TTC39B: variants seen among roughly 807,000 people sequenced by gnomAD.
TTC39B encodes the protein tetratricopeptide repeat domain 39B.
Under a neutral mutation model 96.6 loss-of-function variants are expected in TTC39B, and 92 were observed. The ratio of observed to expected loss-of-function variants is 0.95; its 90% CI spans 0.80 to 1.13. TTC39B has a LOEUF of 1.13. Among genes scored for constraint, TTC39B ranks in the 50% most tolerant of loss-of-function variants. TTC39B has a pLI of 0.00. For synonymous variants in TTC39B, 367 were observed against 299.4 expected (o/e 1.23, Z -2.33); for missense variants, 955 against 809.3 (o/e 1.18, Z -2.18).
Position 15,197,072 on chromosome 9 carries a change from T to C in TTC39B, c.824+2789A>G, listed in dbSNP as rs552346056. Among the ~76,000 whole-genome samples the C allele has an allele frequency of 5.3e-5, 8 of 152,346 alleles. No individual in the cohort carries two copies. In the South Asian group the frequency reaches 8.3e-4, roughly 16 times the overall value. ...TTAAGGTATGTATATTTTTTAGACATAATGGTATTGGCAGACTTAACAGAA... is the reference window on the plus strand; with the variant it reads ...TTAAGGTATGTATATTTTTTAGACACAATGGTATTGGCAGACTTAACAGAA... On this transcript the variant is annotated intron_variant, in intron 8 of 19. Coordinates refer to ENST00000512701, the Ensembl canonical transcript of TTC39B.
chr9:15,228,557 A>C (rs1462769983), intron 2 of TTC39B, among the ~76,000 whole-genome samples: 2 of 152,216 alleles, frequency 1.3e-5, no homozygotes, highest in African/African-American at 4.8e-5. Context: ...GTAAACAGTA[A>C]AAACAAAACT....
chr9:15,285,205 T>A (rs7035544), intron 1 of TTC39B, among the ~76,000 whole-genome samples: 2 of 150,678 alleles, frequency 1.3e-5, no homozygotes, highest in Admixed American at 1.3e-4. Flanking sequence ...GGAGGCGGAG[T>A]TTGCAGTGAG....
intron 17 of TTC39B, among the ~76,000 whole-genome samples, 180 bp from the exon 18 acceptor site, chr9:15,177,994 C>T (rs1352358846): frequency 1.3e-5 from 2 of 151,588 alleles, no homozygotes; most frequent in South Asian, 2.1e-4. Flanking sequence ...CTCAGCCTCC[C>T]GAGTAGCTGG....
intron 1 of TTC39B, among the ~76,000 whole-genome samples, chr9:15,291,399 C>T (rs1439646144): frequency 2.0e-5 from 3 of 152,182 alleles, no homozygotes; most frequent in South Asian, 4.1e-4. Context: ...GCACGTGAGA[C>T]GTGACTTGCT....
intron 13 of TTC39B, among the ~76,000 whole-genome samples, chr9:15,189,033 C>G (rs1215855285): frequency 6.6e-6 from 1 of 151,920 alleles, no homozygotes. Context: ...AGATCCAAGA[C>G]ATATTGTAAA....
chr9:15,251,567 A>T (rs962412605), intron 2 of TTC39B, among the ~76,000 whole-genome samples: 1 of 151,830 alleles, frequency 6.6e-6, no homozygotes, highest in Non-Finnish European at 1.5e-5. Flanking sequence ...ATCTCAAAAA[A>T]AATTAAAGCC....
At chr9:15,255,125 C>T (rs757453853) in intron 2 of TTC39B, among the ~76,000 whole-genome samples, 13 of 151,650 alleles carry the variant, frequency 8.6e-5, no homozygotes, top group Non-Finnish European at 8.8e-5. Context: ...TCATTCTAGA[C>T]AATAAAAATA....
intron 3 of TTC39B, among the ~76,000 whole-genome samples, chr9:15,225,254 C>T (rs1220847851): frequency 4.0e-5 from 6 of 151,528 alleles, no homozygotes; most frequent in African/African-American, 1.5e-4. Context: ...AATATGATTC[C>T]AATTAAGAAA....
intron 2 of TTC39B, among the ~76,000 whole-genome samples, chr9:15,251,232 G>T (rs187694423): frequency 6.6e-6 from 1 of 151,918 alleles, no homozygotes; most frequent in Non-Finnish European, 1.5e-5. Flanking sequence ...AAATATTGTG[G>T]TATTTCCAAA....
intron 2 of TTC39B, among the ~76,000 whole-genome samples, chr9:15,238,071 T>A (rs553090981): frequency 1.3e-5 from 2 of 152,296 alleles, no homozygotes; most frequent in Non-Finnish European, 2.9e-5. Context: ...CATGCCTTCC[T>A]GATAAAAACC....
intron 2 of TTC39B, among the ~76,000 whole-genome samples, chr9:15,263,080 A>C (rs79285784): frequency 0.014 from 2,178 of 152,338 alleles, 64 homozygotes; most frequent in African/African-American, 0.049. Flanking sequence ...GACTTGGACT[A>C]GAAGTCCATT....
intron 1 of TTC39B, among the ~76,000 whole-genome samples, chr9:15,304,498 C>A (rs1824694155): frequency 6.6e-6 from 1 of 152,182 alleles, no homozygotes; most frequent in African/African-American, 2.4e-5. Context: ...CTAAAAAACA[C>A]AAATTAAAAA....
chr9:15,280,737 AG>A (rs1346786792), intron 1 of TTC39B, among the ~76,000 whole-genome samples: 20 of 152,198 alleles, frequency 1.3e-4, no homozygotes, highest in African/African-American at 4.8e-4. Flanking sequence ...CAGGAGAGGC[AG>A]TGGGTATCCC....
At chr9:15,207,720 T>A (rs1484586506) in intron 6 of TTC39B, among the ~76,000 whole-genome samples, 4 of 151,980 alleles carry the variant, frequency 2.6e-5, no homozygotes. Context: ...GCACGGTGGC[T>A]CACACCTGTA....
rs643740 is a variant in TTC39B at position 15,276,671 on chromosome 9, G to A, written c.241-8723C>T. ...TTTTAATTACACAGCCTGTGTAGTA[G>A]AGCGGAAAGCATAAATTTAGGCTTG... On this transcript the variant is annotated intron_variant, in intron 1 of 19. Transcript: ENST00000512701. Among the ~76,000 whole-genome samples the A allele has an allele frequency of 4.9e-3, 742 of 152,268 alleles. 6 individuals are homozygous for A. The highest frequency in any genetic ancestry group is 0.017 in the African/African-American group (726 of 41,558).
intron 2 of TTC39B, among the ~76,000 whole-genome samples, chr9:15,230,686 T>C (rs1389166118): frequency 6.6e-6 from 1 of 152,202 alleles, no homozygotes; most frequent in African/African-American, 2.4e-5. Flanking sequence ...TGAACATTCA[T>C]GTACAAGTTC....
At chr9:15,193,485 C>T (rs1364127573) in intron 8 of TTC39B, among the ~76,000 whole-genome samples, 2 of 152,134 alleles carry the variant, frequency 1.3e-5, no homozygotes, top group Non-Finnish European at 2.9e-5. Context: ...ACTTGTGATC[C>T]AGTCTAGCCA....
At chr9:15,239,899 A>G (rs1821963538) in intron 2 of TTC39B, among the ~76,000 whole-genome samples, 1 of 152,210 alleles carries the variant, frequency 6.6e-6, no homozygotes, top group Non-Finnish European at 1.5e-5. Context: ...TGTACCTTCA[A>G]ATCTAAAACT....
intron 2 of TTC39B, among the ~76,000 whole-genome samples, chr9:15,260,407 T>G (rs1159132890): frequency 6.6e-6 from 1 of 151,854 alleles, no homozygotes; most frequent in African/African-American, 2.4e-5. Context: ...TTTCCAGACT[T>G]GAGTAACATT....
Sources: gnomAD v4.1 joint callset for allele counts (sites outside exome capture counted in the v4.1 genomes callset) on GRCh38, gnomAD v4.1.1 for gene constraint, MANE v1.5 for transcripts, NCBI Gene and HGNC (gene_info 2026-07-23, HGNC 2026-07-21) for gene names.